The following RASSF2 variants were observed in gnomAD, a reference collection of about 807,000 sequenced individuals.
RASSF2 encodes ras association domain-containing protein 2.
RASSF2 carries 34 observed loss-of-function variants against 46.3 expected under a neutral mutation model. That is an observed-to-expected ratio of 0.73 (90% CI 0.56 to 0.98). RASSF2 has a LOEUF of 0.98. Ranked by LOEUF, RASSF2 falls within the 50% of genes least tolerant of loss-of-function variation. RASSF2 has a pLI of 0.00. For missense variants in RASSF2, 364 were observed against 431.2 expected (o/e 0.84, Z 1.38); for synonymous variants, 158 against 162.5 (o/e 0.97, Z 0.21).
chr20:4,813,213 C>A (rs186985064), intron 2 of RASSF2, among the ~76,000 whole-genome samples: 1 of 152,206 alleles, frequency 6.6e-6, no homozygotes, highest in Admixed American at 6.5e-5. Context: ...GGCAAGCTAC[C>A]GCACTCCCAT....
At chr20:4,823,088 C>A (rs535584914) in intron 1 of RASSF2, among the ~76,000 whole-genome samples, 21 of 152,298 alleles carry the variant, frequency 1.4e-4, no homozygotes, top group South Asian at 8.3e-4. Flanking sequence ...CGGCCCCTGG[C>A]GGGGGTCCGC....
In RASSF2 at chr20:4,790,372, C is replaced by T; in HGVS notation, c.537+79G>A. The T allele has an allele frequency of 7.4e-7, 1 of 1,350,462 alleles. No individual in the cohort carries two copies. Among genetic ancestry groups the T allele is most frequent in the African/African-American group, 1.5e-5 (1 of 66,356 alleles). The allele number at this position is 1,350,462 out of a possible 1,614,324, so 83.7% of individuals were successfully genotyped here. A position where few individuals can be genotyped will look rare whatever the true frequency, so the allele number is the denominator to read the frequency against. On this transcript the variant is annotated intron_variant, in intron 7 of 11. Transcript: ENST00000379400. This position sits in a 1 kb window ranked among gnomAD's most constrained non-coding sequence, Gnocchi z 4.3. ...TGGCTTCCCAGGCATCCACACCACC[C>T]ACCATATGGCTGTAGCCCTGAGGTG...
chr20:4,812,434 G>T lies in RASSF2; in HGVS notation c.-33+9895C>A, dbSNP rs537266263. On this transcript the variant is annotated intron_variant, in intron 2 of 11. Coordinates refer to ENST00000379400, the MANE Select transcript of RASSF2 (RefSeq NM_014737.3). This position sits in a 1 kb window ranked among gnomAD's most constrained non-coding sequence, Gnocchi z 4.0. ...AAATCCAGGGCGGTGCAGGTGCCAAGCGGAACCCCTGTAGACTACAGCTTC... is the reference window on the plus strand; with the variant it reads ...AAATCCAGGGCGGTGCAGGTGCCAATCGGAACCCCTGTAGACTACAGCTTC... Among the ~76,000 whole-genome samples, 1 of 152,346 alleles carries T rather than the reference G, an allele frequency of 6.6e-6. No individual in the cohort carries two copies. Among genetic ancestry groups the T allele is most frequent in the African/African-American group, 2.4e-5 (1 of 41,580 alleles).
chr20:4,785,268 G>A (rs1601079347), intron 11 of RASSF2, among the ~76,000 whole-genome samples: 1 of 152,140 alleles, frequency 6.6e-6, no homozygotes, highest in Admixed American at 6.5e-5. Flanking sequence ...GAGTCTGGGA[G>A]GTAGAAGTTG....
intron 8 of RASSF2, 111 bp downstream of exon 8, chr20:4,789,485 G>T: frequency 1.2e-6 from 1 of 863,910 alleles, no homozygotes; most frequent in Non-Finnish European, 1.8e-6. Flanking sequence ...GAAGCCCTCT[G>T]CTCAGCATCC....
chr20:4,799,561 AT>A (rs1320255066), intron 3 of RASSF2, among the ~76,000 whole-genome samples: 13 of 152,252 alleles, frequency 8.5e-5, no homozygotes, highest in African/African-American at 3.1e-4. Context: ...TTAAACCTAG[AT>A]AAAGCAGCAT....
At chr20:4,823,343 C>T (rs1305952012) in intron 1 of RASSF2, among the ~76,000 whole-genome samples, 1 of 152,124 alleles carries the variant, frequency 6.6e-6, no homozygotes, top group Non-Finnish European at 1.5e-5. Flanking sequence ...GCATCGCGCC[C>T]GCGCCGCAGG....
Position 4,814,838 on chromosome 20 carries a change from G to C in RASSF2, c.-33+7491C>G, listed in dbSNP as rs1243974234. ...CCGTTTCCAGGGGAAGTTTGCCACA[G>C]TAGCACATTCACAACCTCCTCTGTC... On this transcript the variant is annotated intron_variant, in intron 2 of 11. Coordinates refer to ENST00000379400, the MANE Select transcript of RASSF2 (RefSeq NM_014737.3). 4.6e-5 allele frequency among the ~76,000 whole-genome samples: 7 copies of C among 152,218 alleles called. No homozygotes were observed. In the East Asian group the frequency reaches 1.3e-3, roughly 29 times the overall value.
intron 7 of RASSF2, 60 bp from the exon 8 acceptor site, chr20:4,789,757 C>T (rs1470657513): frequency 2.8e-6 from 4 of 1,414,732 alleles, no homozygotes; most frequent in African/African-American, 1.4e-5. Context: ...GTGCTAAAAT[C>T]CAGGTGCGGT....
At chr20:4,787,820 A>G (rs1925499229) in intron 9 of RASSF2, 66 bp from the exon 10 acceptor site, 5 of 1,404,598 alleles carry the variant, frequency 3.6e-6, no homozygotes, top group Non-Finnish European at 4.8e-6. Flanking sequence ...TGGTTAATGC[A>G]GGGGTCCAAA....
chr20:4,811,623 C>T (rs1268741394), intron 2 of RASSF2, among the ~76,000 whole-genome samples: 3 of 152,074 alleles, frequency 2.0e-5, no homozygotes, highest in African/African-American at 7.2e-5. Context: ...GCACCCTCTC[C>T]CTACTACTAA....
chr20:4,819,349 ATTCAAG>A (rs1478908526), intron 2 of RASSF2, among the ~76,000 whole-genome samples: 1 of 152,204 alleles, frequency 6.6e-6, no homozygotes, highest in Admixed American at 6.5e-5. Context: ...TGAAACAAGA[ATTCAAG>A]TTCAAGTACA....
Position 4,792,440 on chromosome 20 carries a change from A to G in RASSF2, c.376+99T>C, listed in dbSNP as rs898218597. Reference sequence around the variant, plus strand: ...TCCCTTTGTATCTTGAACCATATACATTTTATATTCTCAAAAATAAATAAC... The same window carrying G: ...TCCCTTTGTATCTTGAACCATATACGTTTTATATTCTCAAAAATAAATAAC... On this transcript the variant is annotated intron_variant, in intron 6 of 11. Coordinates refer to ENST00000379400, the MANE Select transcript of RASSF2 (RefSeq NM_014737.3). The G allele has an allele frequency of 5.2e-6, 8 of 1,552,472 alleles. No homozygotes were observed. In the African/African-American group the frequency reaches 1.1e-4, roughly 21 times the overall value.
At chr20:4,813,782 C>CGTGT (rs11468773) in intron 2 of RASSF2, among the ~76,000 whole-genome samples, 136 of 150,284 alleles carry the variant, frequency 9.0e-4, no homozygotes, top group Non-Finnish European at 1.5e-3. Flanking sequence ...CAGTGTGTGG[C>CGTGT]GTGTGTGTGT....
intron 5 of RASSF2, 115 bp from the exon 6 acceptor site, chr20:4,792,742 C>T (rs1250127695): frequency 6.8e-7 from 1 of 1,471,182 alleles, no homozygotes. Flanking sequence ...TAGTGCCAGG[C>T]TGGGTACTGG....
At chr20:4,810,897 C>A (rs931097545) in intron 2 of RASSF2, among the ~76,000 whole-genome samples, 5 of 152,132 alleles carry the variant, frequency 3.3e-5, no homozygotes, top group Non-Finnish European at 5.9e-5. Context: ...CACCACCTGA[C>A]CAGTGGGAGG....
At chr20:4,784,690 G>A (rs1444771352) in intron 11 of RASSF2, among the ~76,000 whole-genome samples, 1 of 151,042 alleles carries the variant, frequency 6.6e-6, no homozygotes, top group Non-Finnish European at 1.5e-5. Flanking sequence ...AAGACACTAT[G>A]CATAGTACTT....
chr20:4,786,248 T>C lies in RASSF2; in HGVS notation c.894A>G (p.Val298=). 6.2e-7 allele frequency: 1 copy of C among 1,612,234 alleles called. No homozygotes were observed. Among genetic ancestry groups the C allele is most frequent in the Non-Finnish European group, 8.5e-7 (1 of 1,178,238 alleles). ...QKLQEEEDRE[V]KKLMRKYTVL... Reference sequence around the variant, plus strand: ...ACACTTACTTGCGCATCAGCTTCTTTACTTCCCGATCTTCTTCCTCCTGGA... The same window carrying C: ...ACACTTACTTGCGCATCAGCTTCTTCACTTCCCGATCTTCTTCCTCCTGGA... Residue 298 remains valine, a synonymous_variant, in exon 11 of 12, where the codon GTA becomes GTG. Transcript: ENST00000379400.
Position 4,814,522 on chromosome 20 carries a change from A to G in RASSF2, c.-33+7807T>C, listed in dbSNP as rs370653429. On this transcript the variant is annotated intron_variant, in intron 2 of 11. Coordinates refer to ENST00000379400, the MANE Select transcript of RASSF2 (RefSeq NM_014737.3). ...CCTCTACTCGCCACCTGGGGACAGG[A>G]CTGAAAACCCAAAAGCTAGGATCGC... Among the ~76,000 whole-genome samples the G allele has an allele frequency of 2.0e-5, 3 of 152,140 alleles. No homozygotes were observed. The South Asian group carries it at 6.2e-4, about 32-fold the overall frequency.
Sources: gnomAD v4.1 joint callset for allele counts (sites outside exome capture counted in the v4.1 genomes callset) on GRCh38, gnomAD v4.1.1 for gene constraint, Gnocchi (gnomAD v3.1) non-coding constraint, MANE v1.5 for transcripts, NCBI Gene and HGNC (gene_info 2026-07-23, HGNC 2026-07-21) for gene names.